Variants in PTP4A1 observed in about 807,000 individuals in gnomAD.
PTP4A1 encodes the protein protein tyrosine phosphatase 4A1.
In PTP4A1, 9 loss-of-function variants were observed where a neutral mutation model predicts 20.5. That is an observed-to-expected ratio of 0.44 (90% CI 0.26 to 0.77). The LOEUF (loss-of-function observed/expected upper bound fraction) is 0.77. Ranked by LOEUF, PTP4A1 falls within the 30% of genes least tolerant of loss-of-function variation. The pLI is 0.19. For missense variants in PTP4A1, 137 were observed against 218.8 expected (o/e 0.63, Z 2.36); for synonymous variants, 78 against 67.4 (o/e 1.16, Z -0.77).
chr6:63,577,053 A>G, intron 2 of PTP4A1, 68 bp downstream of exon 2: 1 of 1,266,558 alleles, frequency 7.9e-7, no homozygotes, highest in Non-Finnish European at 1.1e-6. Context: ...TAGCTAACAA[A>G]ATAAAAACTA....
chr6:63,572,893 G>A (rs1278798404), intron 1 of PTP4A1, among the ~76,000 whole-genome samples, 174 bp downstream of exon 1: 1 of 152,086 alleles, frequency 6.6e-6, no homozygotes, highest in African/African-American at 2.4e-5. Flanking sequence ...GCCGATTGCG[G>A]CCGGCTGTGC....
intron 2 of PTP4A1, among the ~76,000 whole-genome samples, chr6:63,532,090 C>T (rs963977721): frequency 5.3e-5 from 8 of 152,182 alleles, no homozygotes; most frequent in African/African-American, 1.4e-4. Flanking sequence ...TGAGCCACCA[C>T]GCCCGGTCAA....
At chr6:63,546,910 GTA>G (rs772704324) in intron 2 of PTP4A1, among the ~76,000 whole-genome samples, 2 of 152,018 alleles carry the variant, frequency 1.3e-5, no homozygotes, top group Non-Finnish European at 2.9e-5. Flanking sequence ...AATGTGTAGT[GTA>G]TATATATAAA....
rs1188128201 is a variant in PTP4A1 at position 63,582,419 on chromosome 6, T to G, written c.*2245T>G. 1 of 152,662 alleles carries G rather than the reference T, an allele frequency of 6.6e-6. No individual in the cohort carries two copies. The highest frequency in any genetic ancestry group is 6.5e-5 in the Admixed American group (1 of 15,278). The allele number at this position is 152,662 out of a possible 1,614,324, so 9.5% of individuals were successfully genotyped here. The stretch of plus-strand genomic sequence containing the variant: ...GCTAAAAATAAATTAATTTACTTTA[T>G]AAACCTTATCTGTACATTATACGAT... On this transcript the variant is annotated 3_prime_UTR_variant, in exon 6 of 6. Transcript: ENST00000626021.
At chr6:63,557,677 T>C (rs1469583465) in intron 3 of PTP4A1, among the ~76,000 whole-genome samples, 1 of 152,154 alleles carries the variant, frequency 6.6e-6, no homozygotes, top group Non-Finnish European at 1.5e-5. Context: ...AAATGTGGCA[T>C]CTATGTTAGA....
chr6:63,543,700 T>G (rs960385719), intron 2 of PTP4A1, among the ~76,000 whole-genome samples: 7 of 152,178 alleles, frequency 4.6e-5, no homozygotes, highest in African/African-American at 1.7e-4. Flanking sequence ...AAATAAACCC[T>G]AATCTTTACT....
rs1778380770 is a variant in PTP4A1 at position 63,583,587 on chromosome 6, T to G, written c.*3413T>G. The G allele has an allele frequency of 6.6e-6, 1 of 152,222 alleles. No individual in the cohort carries two copies. The highest frequency in any genetic ancestry group is 2.4e-5 in the African/African-American group (1 of 41,454). 9.4% of individuals were successfully genotyped at this position (152,222 alleles called of 1,614,324 possible). A position where few individuals can be genotyped will look rare whatever the true frequency, so the allele number is the denominator to read the frequency against. On this transcript the variant is annotated 3_prime_UTR_variant, in exon 6 of 6. Transcript: ENST00000626021. The stretch of plus-strand genomic sequence containing the variant: ...AGTTAATAAATTGATAGCTACCATT[T>G]ATTAATGATTTTATTTTCAGGTAGT...
chr6:63,568,723 T>C (rs1373921292), upstream of PTP4A1, among the ~76,000 whole-genome samples: 2 of 152,116 alleles, frequency 1.3e-5, no homozygotes, highest in Non-Finnish European at 1.5e-5. Context: ...TACATATTTA[T>C]TTTTAATAAT....
At chr6:63,526,143 G>A (rs1005874790) in intron 1 of PTP4A1, among the ~76,000 whole-genome samples, 2 of 151,952 alleles carry the variant, frequency 1.3e-5, no homozygotes, top group Non-Finnish European at 2.9e-5. Context: ...TGGCCAACAT[G>A]GTGAAATCCC....
rs1421472549 is a variant in PTP4A1 at position 63,581,641 on chromosome 6, T to G, written c.*1467T>G. 1 of 152,168 alleles carries G rather than the reference T, an allele frequency of 6.6e-6. No homozygotes were observed. Among genetic ancestry groups the G allele is most frequent in the Non-Finnish European group, 1.5e-5 (1 of 68,000 alleles). The allele number at this position is 152,168 out of a possible 1,614,324, so 9.4% of individuals were successfully genotyped here. A position where few individuals can be genotyped will look rare whatever the true frequency, so the allele number is the denominator to read the frequency against. On this transcript the variant is annotated 3_prime_UTR_variant, in exon 6 of 6. Coordinates refer to ENST00000626021, the MANE Select transcript of PTP4A1 (RefSeq NM_003463.5). ...GAAAACTTTAATACTAAAAGCACTTTCCATTATATACTTTTTAAAGGTCTA... is the reference window on the plus strand; with the variant it reads ...GAAAACTTTAATACTAAAAGCACTTGCCATTATATACTTTTTAAAGGTCTA...
chr6:63,568,709 A>G (rs1261168488), upstream of PTP4A1, among the ~76,000 whole-genome samples: 3 of 152,188 alleles, frequency 2.0e-5, no homozygotes, highest in Non-Finnish European at 4.4e-5. Context: ...GTATGCCTGT[A>G]TACTACATAT....
upstream of PTP4A1, among the ~76,000 whole-genome samples, chr6:63,519,935 A>G (rs192507570): frequency 4.6e-5 from 7 of 152,346 alleles, 1 homozygote; most frequent in African/African-American, 1.7e-4. Context: ...TAGACATTCA[A>G]CACATTAAAA....
At chr6:63,535,501 C>G (rs76839242) in intron 2 of PTP4A1, among the ~76,000 whole-genome samples, 1 of 152,108 alleles carries the variant, frequency 6.6e-6, no homozygotes, top group African/African-American at 2.4e-5. Flanking sequence ...ATGCATTTCC[C>G]TCCTTAATTA....
intron 3 of PTP4A1, among the ~76,000 whole-genome samples, chr6:63,560,375 T>A (rs896849482): frequency 1.4e-5 from 2 of 145,114 alleles, no homozygotes; most frequent in South Asian, 2.1e-4. Context: ...AGAAAAGAAG[T>A]GAAAAGTAAA....
At position 63,583,046 on chromosome 6, in the gene PTP4A1, T is replaced by C. The variant is rs1005687044; in HGVS notation, c.*2872T>C. On this transcript the variant is annotated 3_prime_UTR_variant, in exon 6 of 6. Coordinates refer to ENST00000626021, the MANE Select transcript of PTP4A1 (RefSeq NM_003463.5). ...ACTGTTTGCCAGGCATTTAAGAATA[T>C]GGCAAAGAACATAAAAGATGGTGTC... is the stretch of plus-strand genomic sequence containing the variant. The C allele has an allele frequency of 6.6e-6, 1 of 152,200 alleles. No homozygotes were observed. The highest frequency in any genetic ancestry group is 1.5e-5 in the Non-Finnish European group (1 of 68,042). 9.4% of individuals were successfully genotyped at this position (152,200 alleles called of 1,614,324 possible).
At chr6:63,545,647 T>C (rs1776151238) in intron 2 of PTP4A1, among the ~76,000 whole-genome samples, 1 of 152,006 alleles carries the variant, frequency 6.6e-6, no homozygotes, top group Non-Finnish European at 1.5e-5. Context: ...ATTTCCAATC[T>C]TACCTTGTAC....
rs1415522725 is a variant in PTP4A1 at position 63,582,464 on chromosome 6, A to G, written c.*2290A>G. 1 of 152,634 alleles carries G rather than the reference A, an allele frequency of 6.6e-6. No individual in the cohort carries two copies. Among genetic ancestry groups the G allele is most frequent in the Non-Finnish European group, 1.5e-5 (1 of 68,026 alleles). 9.5% of individuals were successfully genotyped at this position (152,634 alleles called of 1,614,324 possible). On this transcript the variant is annotated 3_prime_UTR_variant, in exon 6 of 6. Coordinates refer to ENST00000626021, the MANE Select transcript of PTP4A1 (RefSeq NM_003463.5). Reference sequence around the variant, plus strand: ...TACGATGTGATGAAATTTGCTTTTTATCCAAATATTTTGTATCTTGTAAAT... The same window carrying G: ...TACGATGTGATGAAATTTGCTTTTTGTCCAAATATTTTGTATCTTGTAAAT...
upstream of PTP4A1, among the ~76,000 whole-genome samples, chr6:63,519,487 A>G (rs1774847088): frequency 6.6e-6 from 1 of 152,108 alleles, no homozygotes; most frequent in Admixed American, 6.5e-5. Context: ...TTACCAGGTG[A>G]GGGAAATACT....
In PTP4A1 at chr6:63,583,086, A is replaced by G. The variant is rs1778342947; in HGVS notation, c.*2912A>G. 6.6e-6 allele frequency: 1 copy of G among 152,222 alleles called. No homozygotes were observed. Among genetic ancestry groups the G allele is most frequent in the South Asian group, 2.1e-4 (1 of 4,836 alleles). 9.4% of individuals were successfully genotyped at this position (152,222 alleles called of 1,614,324 possible). On this transcript the variant is annotated 3_prime_UTR_variant, in exon 6 of 6. Transcript: ENST00000626021. ...AAGATGGTGTCACCAGATTTTGGTCACCAATGAGTACCCGACCCGTTGCCA... is the reference window on the plus strand; with the variant it reads ...AAGATGGTGTCACCAGATTTTGGTCGCCAATGAGTACCCGACCCGTTGCCA...
Sources: allele counts gnomAD v4.1 joint callset (sites outside exome capture counted in the v4.1 genomes callset), GRCh38; gene constraint gnomAD v4.1.1; transcripts MANE v1.5; gene names NCBI Gene and HGNC (gene_info 2026-07-23, HGNC 2026-07-21).